KIAA1217: variants seen among roughly 807,000 people sequenced by gnomAD.
KIAA1217 encodes the protein sickle tail protein homolog.
Under a neutral mutation model 163.9 loss-of-function variants are expected in KIAA1217, and 88 were observed. The observed-to-expected ratio is 0.54, with a 90% CI of 0.45 to 0.64. KIAA1217 has a LOEUF of 0.64. Ranked by LOEUF, KIAA1217 falls within the 30% of genes least tolerant of loss-of-function variation. The probability of loss-of-function intolerance (pLI) is 0.00; values close to 1 mark genes in which losing one functional copy is unlikely to be tolerated. For missense variants in KIAA1217, 2,372 were observed against 2,475.0 expected, an observed-to-expected ratio of 0.96 and a Z score of 0.88; for synonymous variants, 903 against 923.1, an observed-to-expected ratio of 0.98 and a Z score of 0.39.
chr10:23,905,388 G>T (rs1411193621), intron 1 of KIAA1217, among the ~76,000 whole-genome samples: 1 of 152,010 alleles, frequency 6.6e-6, no homozygotes, highest in Non-Finnish European at 1.5e-5. Flanking sequence ...GAGGAGCCTG[G>T]AGATGAAGGA....
chr10:24,526,106 G>A (rs1015132946), intron 13 of KIAA1217, among the ~76,000 whole-genome samples: 7 of 151,998 alleles, frequency 4.6e-5, no homozygotes, highest in Non-Finnish European at 1.0e-4. Context: ...TTCTTGCCTC[G>A]TAACTTTTCC....
intron 14 of KIAA1217, among the ~76,000 whole-genome samples, 191 bp downstream of exon 14, chr10:24,528,310 TTTTTTTTTTTTG>T (rs1221795999): frequency 9.2e-4 from 69 of 75,316 alleles, no homozygotes; most frequent in Middle Eastern, 8.1e-3. Flanking sequence ...TCTCTTTTTG[TTTTTTTTTTTTG>T]TTTTTTTTTT....
chr10:24,009,260 A>G (rs1438347814), intron 2 of KIAA1217, among the ~76,000 whole-genome samples: 1 of 152,212 alleles, frequency 6.6e-6, no homozygotes, highest in Admixed American at 6.5e-5. Context: ...TTGGCCCATT[A>G]TCACATGGAA....
At chr10:23,924,937 A>T (rs1842965635) in intron 1 of KIAA1217, among the ~76,000 whole-genome samples, 1 of 137,420 alleles carries the variant, frequency 7.3e-6, no homozygotes, top group Non-Finnish European at 1.5e-5. Context: ...TTAAAAGTAG[A>T]TTTACTTAGA....
chr10:24,267,092 G>C (rs1204960528), intron 2 of KIAA1217, among the ~76,000 whole-genome samples: 1 of 152,152 alleles, frequency 6.6e-6, no homozygotes, highest in Non-Finnish European at 1.5e-5. Flanking sequence ...CATGTTACCA[G>C]CTATAATTGG....
chr10:23,831,308 C>T (rs1418871133), intron 1 of KIAA1217, among the ~76,000 whole-genome samples: 1 of 149,796 alleles, frequency 6.7e-6, no homozygotes, highest in Non-Finnish European at 1.5e-5. Flanking sequence ...AAATGGAAAA[C>T]CAAAAAACAA....
At chr10:23,719,714 C>T (rs972281871) in intron 1 of KIAA1217, among the ~76,000 whole-genome samples, 6 of 152,002 alleles carry the variant, frequency 3.9e-5, no homozygotes, top group Non-Finnish European at 8.8e-5. Flanking sequence ...GTTAAGAGAT[C>T]GAGACCGTCC....
rs562368466 is a variant in KIAA1217 at position 23,927,511 on chromosome 10, T to G, written c.-320-79714T>G. The stretch of plus-strand genomic sequence containing the variant: ...AGATTTTGAAGGATCAAAATCAAAT[T>G]TTATTTTCCTGTGAGAGAAGGATGA... On this transcript the variant is annotated intron_variant, in intron 1 of 18. Coordinates refer to the KIAA1217 transcript ENST00000376462. Among the ~76,000 whole-genome samples, 48 of 152,242 alleles carry G rather than the reference T, an allele frequency of 3.2e-4. No individual in the cohort carries two copies. The South Asian group carries it at 1.0e-2, about 32-fold the overall frequency.
chr10:24,123,525 G>A (rs1197594358), intron 2 of KIAA1217, among the ~76,000 whole-genome samples: 2 of 151,954 alleles, frequency 1.3e-5, no homozygotes, highest in African/African-American at 4.8e-5. Flanking sequence ...TGATCATGGG[G>A]GACACATATC....
intron 1 of KIAA1217, among the ~76,000 whole-genome samples, chr10:23,818,506 G>A (rs1419780586): frequency 6.6e-6 from 1 of 151,720 alleles, no homozygotes; most frequent in Non-Finnish European, 1.5e-5. Flanking sequence ...CCTGTTGGTA[G>A]TAGCCCCAGC....
chr10:24,285,959 G>A (rs980514745), intron 2 of KIAA1217, among the ~76,000 whole-genome samples: 5 of 151,910 alleles, frequency 3.3e-5, no homozygotes, highest in Admixed American at 6.6e-5. Context: ...TTATTATCGT[G>A]TGTGTGTGTG....
At chr10:24,279,131 C>T (rs2077620347) in intron 2 of KIAA1217, among the ~76,000 whole-genome samples, 2 of 152,110 alleles carry the variant, frequency 1.3e-5, no homozygotes, top group South Asian at 4.1e-4. Context: ...TAAGCCACCA[C>T]ACCCAGCTCA....
intron 1 of KIAA1217, among the ~76,000 whole-genome samples, chr10:24,000,668 T>A (rs983182048): frequency 6.6e-6 from 1 of 152,212 alleles, no homozygotes; most frequent in Non-Finnish European, 1.5e-5. Context: ...ATCTGAACAG[T>A]CATGGAAATC....
chr10:24,346,567 C>CTTT, intron 2 of KIAA1217, among the ~76,000 whole-genome samples: 1 of 143,558 alleles, frequency 7.0e-6, no homozygotes, highest in South Asian at 2.2e-4. Context: ...TTTTGTTGGC[C>CTTT]CTTTTTTTTT....
At chr10:23,752,641 G>C (rs1839799247) in intron 1 of KIAA1217, among the ~76,000 whole-genome samples, 1 of 151,924 alleles carries the variant, frequency 6.6e-6, no homozygotes, top group South Asian at 2.1e-4. Context: ...TTTCCCTCAG[G>C]TATCATTTTT....
At chr10:24,028,903 TA>T (rs1400190650) in intron 2 of KIAA1217, among the ~76,000 whole-genome samples, 2 of 152,122 alleles carry the variant, frequency 1.3e-5, no homozygotes, top group African/African-American at 4.8e-5. Context: ...TGCTTTAACC[TA>T]AAAAAATTCT....
chr10:24,374,326 T>C (rs2134597159), intron 2 of KIAA1217, among the ~76,000 whole-genome samples: 1 of 152,324 alleles, frequency 6.6e-6, no homozygotes, highest in East Asian at 1.9e-4. Flanking sequence ...TCCTGGTTAC[T>C]AGTCATCCTG....
chr10:23,803,192 T>C (rs1419087361), intron 1 of KIAA1217, among the ~76,000 whole-genome samples: 1 of 152,148 alleles, frequency 6.6e-6, no homozygotes, highest in African/African-American at 2.4e-5. Context: ...GGGTAACAAG[T>C]TGTAGCTCTT....
At chr10:23,967,948 G>A (rs1275853360) in intron 1 of KIAA1217, among the ~76,000 whole-genome samples, 1 of 143,888 alleles carries the variant, frequency 6.9e-6, no homozygotes, top group Non-Finnish European at 1.5e-5. Context: ...TGGAGGACAT[G>A]CCTTTTTTAA....
Sources: allele counts gnomAD v4.1 joint callset (sites outside exome capture counted in the v4.1 genomes callset), GRCh38; gene constraint gnomAD v4.1.1; transcripts MANE v1.5; gene names NCBI Gene and HGNC (gene_info 2026-07-23, HGNC 2026-07-21).